The following PDE4D variants were observed in gnomAD, a reference collection of about 807,000 sequenced individuals.
PDE4D encodes 3',5'-cyclic-AMP phosphodiesterase 4D.
PDE4D carries 24 observed loss-of-function variants against 87.4 expected under a neutral mutation model. The observed-to-expected ratio is 0.27, with a 90% CI of 0.20 to 0.39. PDE4D has a LOEUF of 0.39. Among genes scored for constraint, PDE4D ranks in the 10% least tolerant of loss-of-function variants. The pLI is 1.00. For synonymous variants in PDE4D, 384 were observed against 383.2 expected (o/e 1.00, Z -0.02); for missense variants, 714 against 1,041.0 (o/e 0.69, Z 4.32).
intron 1 of PDE4D, among the ~76,000 whole-genome samples, chr5:60,418,515 A>T (rs538493936): frequency 1.3e-5 from 2 of 152,076 alleles, no homozygotes; most frequent in Admixed American, 1.3e-4. Context: ...TTTGTTTTTT[A>T]TCCTTCTATA....
At chr5:59,790,471 G>A (rs762027755) in intron 1 of PDE4D, among the ~76,000 whole-genome samples, 19 of 152,170 alleles carry the variant, frequency 1.2e-4, no homozygotes, top group Admixed American at 2.0e-4. Context: ...GGTAAAGAAA[G>A]ATTGCTACAA....
intron 1 of PDE4D, among the ~76,000 whole-genome samples, chr5:60,505,850 G>A (rs1357953450): frequency 1.3e-5 from 2 of 152,126 alleles, no homozygotes; most frequent in Non-Finnish European, 2.9e-5. Context: ...TATATAAATC[G>A]AGATCCACCA....
chr5:60,192,973 C>T (rs1785313111), intron 1 of PDE4D, among the ~76,000 whole-genome samples: 1 of 152,178 alleles, frequency 6.6e-6, no homozygotes, highest in African/African-American at 2.4e-5. Flanking sequence ...CTCAAGTTTG[C>T]TATTTCGTAC....
intron 3 of PDE4D, among the ~76,000 whole-genome samples, chr5:59,904,843 G>T (rs182882634): frequency 1.3e-5 from 2 of 152,202 alleles, no homozygotes; most frequent in African/African-American, 4.8e-5. Context: ...ATTGGGAAAA[G>T]ATGCTGTTTA....
chr5:60,204,603 T>A (rs1451958996), intron 1 of PDE4D, among the ~76,000 whole-genome samples: 1 of 152,228 alleles, frequency 6.6e-6, no homozygotes, highest in Non-Finnish European at 1.5e-5. Context: ...GATAATCACA[T>A]GATTTTCCCA....
At chr5:60,206,817 T>C (rs1742589829) in intron 1 of PDE4D, among the ~76,000 whole-genome samples, 1 of 152,194 alleles carries the variant, frequency 6.6e-6, no homozygotes, top group Non-Finnish European at 1.5e-5. Context: ...CTCTACAAAG[T>C]ATAGGCGGGA....
chr5:59,508,982 T>C (rs1428968507), intron 1 of PDE4D, among the ~76,000 whole-genome samples: 1 of 151,930 alleles, frequency 6.6e-6, no homozygotes, highest in Non-Finnish European at 1.5e-5. Context: ...TGGGATAGAT[T>C]AAAAGGAATG....
chr5:60,000,508 A>G (rs1763923107), intron 2 of PDE4D, among the ~76,000 whole-genome samples: 1 of 152,224 alleles, frequency 6.6e-6, no homozygotes, highest in South Asian at 2.1e-4. Context: ...TGGAGGAGAA[A>G]TAAAGATAAA....
chr5:59,073,562 T>C (rs1403074810), intron 5 of PDE4D, among the ~76,000 whole-genome samples: 1 of 150,124 alleles, frequency 6.7e-6, no homozygotes, highest in African/African-American at 2.4e-5. Flanking sequence ...ATTCAAATTA[T>C]GGAAATGTAT....
At chr5:59,607,903 T>C (rs1367702932) in intron 1 of PDE4D, among the ~76,000 whole-genome samples, 1 of 152,108 alleles carries the variant, frequency 6.6e-6, no homozygotes, top group Non-Finnish European at 1.5e-5. Context: ...GATTTGAGGA[T>C]TTCCATAGAT....
chr5:59,298,544 C>T (rs756945474), intron 1 of PDE4D, among the ~76,000 whole-genome samples: 1 of 152,160 alleles, frequency 6.6e-6, no homozygotes, highest in Non-Finnish European at 1.5e-5. Flanking sequence ...TTGCTTTCCT[C>T]CTCCTAAATC....
At chr5:60,396,945 G>A (rs1475812120) in intron 1 of PDE4D, among the ~76,000 whole-genome samples, 1 of 152,172 alleles carries the variant, frequency 6.6e-6, no homozygotes, top group Non-Finnish European at 1.5e-5. Context: ...ACGAACACTA[G>A]GTCATTCTGA....
intron 1 of PDE4D, among the ~76,000 whole-genome samples, chr5:59,372,958 T>C (rs1389315097): frequency 6.6e-6 from 1 of 151,904 alleles, no homozygotes; most frequent in Non-Finnish European, 1.5e-5. Context: ...GCCAATCAGC[T>C]GAATCCACCT....
chr5:59,802,211 G>C (rs1237142133), intron 1 of PDE4D, among the ~76,000 whole-genome samples: 3 of 148,978 alleles, frequency 2.0e-5, no homozygotes, highest in African/African-American at 7.5e-5. Context: ...ATGAAGATCA[G>C]TTTTTTGTTT....
At chr5:59,233,480 C>T (rs878954372) in intron 1 of PDE4D, among the ~76,000 whole-genome samples, 4 of 152,186 alleles carry the variant, frequency 2.6e-5, no homozygotes, top group Non-Finnish European at 5.9e-5. Flanking sequence ...CCACTCTTCA[C>T]TGTTGCCTAG....
rs1206374832 is a variant in PDE4D, at chr5:58,975,699, G to A, written c.1971C>T (p.Ser657=). ...DRERERGMEI[S]PMCDKHNASV... ...AAGCATTGTGCTTGTCACACATGGGGCTTATCTCCATGCCACGTTCCCTCT... is the reference window on the plus strand; with the variant it reads ...AAGCATTGTGCTTGTCACACATGGGACTTATCTCCATGCCACGTTCCCTCT... Residue 657 remains serine, a synonymous_variant, in exon 14 of 15, where the codon AGC becomes AGT. Coordinates refer to ENST00000340635, the MANE Select transcript of PDE4D (RefSeq NM_001104631.2). This position sits in a 1 kb window ranked among gnomAD's most constrained non-coding sequence, Gnocchi z 4.2. 1.2e-6 allele frequency: 2 copies of A among 1,612,460 alleles called. No homozygotes were observed. Among genetic ancestry groups the A allele is most frequent in the Non-Finnish European group, 1.7e-6 (2 of 1,179,172 alleles).
At chr5:59,603,903 TTAAG>T (rs1458686376) in intron 1 of PDE4D, among the ~76,000 whole-genome samples, 1 of 151,992 alleles carries the variant, frequency 6.6e-6, no homozygotes, top group Non-Finnish European at 1.5e-5. Flanking sequence ...AGAGTGGATA[TTAAG>T]TGTTTTCATC....
At chr5:60,339,185 T>G (rs1177562293) in intron 1 of PDE4D, among the ~76,000 whole-genome samples, 1 of 151,834 alleles carries the variant, frequency 6.6e-6, no homozygotes, top group Non-Finnish European at 1.5e-5. Flanking sequence ...ATAATTTTTG[T>G]TTTTTTCCTT....
intron 2 of PDE4D, among the ~76,000 whole-genome samples, chr5:60,066,279 G>T (rs1005876978): frequency 2.0e-5 from 3 of 151,896 alleles, no homozygotes; most frequent in African/African-American, 7.2e-5. Flanking sequence ...TTTTGATGGG[G>T]TTGTTTGTTT....
Sources: gnomAD v4.1 joint callset for allele counts (sites outside exome capture counted in the v4.1 genomes callset) on GRCh38, gnomAD v4.1.1 for gene constraint, Gnocchi (gnomAD v3.1) non-coding constraint, MANE v1.5 for transcripts, NCBI Gene and HGNC (gene_info 2026-07-23, HGNC 2026-07-21) for gene names.